The following PLLP variants were observed in gnomAD, a reference collection of about 807,000 sequenced individuals.
PLLP encodes plasmolipin, also known as plasma membrane proteolipid (plasmolipin).
A neutral mutation model predicts 19.7 loss-of-function variants in PLLP; 15 were observed. That is an observed-to-expected ratio of 0.76 (90% CI 0.51 to 1.17). The LOEUF (loss-of-function observed/expected upper bound fraction) is 1.17. Ranked by LOEUF, PLLP falls within the 50% of genes most tolerant of loss-of-function variation. The probability of loss-of-function intolerance (pLI) is 0.00; values close to 1 mark genes in which losing one functional copy is unlikely to be tolerated. For synonymous variants in PLLP, 111 were observed against 116.3 expected (o/e 0.95, Z 0.29); for missense variants, 255 against 258.3 (o/e 0.99, Z 0.09).
At chr16:57,279,362 C>CT (rs796106110) in intron 1 of PLLP, among the ~76,000 whole-genome samples, 6,992 of 134,158 alleles carry the variant, frequency 0.052, 522 homozygotes, top group African/African-American at 0.19. Context: ...CTTCTTCTTC[C>CT]TTTTTTTTTT....
intron 1 of PLLP, among the ~76,000 whole-genome samples, chr16:57,274,982 C>G (rs572284116): frequency 6.6e-6 from 1 of 151,712 alleles, no homozygotes. Flanking sequence ...AGGATGGTCT[C>G]AATCTCCTGA....
intron 1 of PLLP, among the ~76,000 whole-genome samples, chr16:57,264,307 A>AG (rs1172819631): frequency 6.6e-6 from 1 of 152,184 alleles, no homozygotes; most frequent in Non-Finnish European, 1.5e-5. Flanking sequence ...CCAGTGGGGA[A>AG]GTGGCAGGTG....
chr16:57,258,504 G>C lies in PLLP; in HGVS notation c.390C>G (p.Ser130=). Residue 130 remains serine (S), a synonymous_variant, in exon 3 of 4, where the codon TCC becomes TCG. Coordinates refer to ENST00000219207, the MANE Select transcript of PLLP (RefSeq NM_015993.3). ...GGTTATAAGGCCGGGTGCCCCTCAG[G>C]GATGTCAGGTCAACTGCCGCAGAGC... ...IACSAAVDLT[S]LRGTRPYNQR... 1 of 1,613,086 alleles carries C rather than the reference G, an allele frequency of 6.2e-7. No homozygotes were observed. The highest frequency in any genetic ancestry group is 8.5e-7 in the Non-Finnish European group (1 of 1,179,946).
chr16:57,274,863 A>G (rs1341235720), intron 1 of PLLP, among the ~76,000 whole-genome samples: 4 of 150,034 alleles, frequency 2.7e-5, no homozygotes, highest in Admixed American at 6.6e-5. Flanking sequence ...CCGGGTTCAC[A>G]CCATTCTCCT....
chr16:57,272,505 G>A (rs779219233), intron 1 of PLLP, among the ~76,000 whole-genome samples: 9 of 152,200 alleles, frequency 5.9e-5, no homozygotes, highest in Middle Eastern at 3.2e-3. Context: ...CATCAGTCCC[G>A]TGCACCCTGG....
chr16:57,271,419 G>A (rs1469381655), intron 1 of PLLP, among the ~76,000 whole-genome samples: 2 of 152,024 alleles, frequency 1.3e-5, no homozygotes, highest in Non-Finnish European at 1.5e-5. Context: ...CAAGGCAGGT[G>A]GATCACCTGA....
chr16:57,280,555 T>C (rs1019338209), intron 1 of PLLP, among the ~76,000 whole-genome samples: 2 of 152,070 alleles, frequency 1.3e-5, no homozygotes, highest in East Asian at 3.9e-4. Flanking sequence ...CATGAATCCA[T>C]TGGCAAGAGA....
Position 57,256,263 on chromosome 16 carries a change from C to G in PLLP, c.*650G>C, listed in dbSNP as rs1166676442. 2.6e-6 allele frequency: 1 copy of G among 388,288 alleles called. No individual in the cohort carries two copies. Among genetic ancestry groups the G allele is most frequent in the African/African-American group, 2.1e-5 (1 of 48,420 alleles). 24.1% of individuals were successfully genotyped at this position (388,288 alleles called of 1,614,324 possible). On this transcript the variant is annotated 3_prime_UTR_variant, in exon 4 of 4. Transcript: ENST00000219207. ...TTAGCTTCGCCCAAAGGGAGTATTA[C>G]AGAGAGAGGCTTGGGAAAGGGAAGG... is the stretch of plus-strand genomic sequence containing the variant.
intron 3 of PLLP, 149 bp downstream of exon 3, chr16:57,258,313 G>C (rs1374808006): frequency 5.9e-6 from 4 of 677,442 alleles, no homozygotes; most frequent in Admixed American, 2.9e-5. Context: ...AAGCCTGGAG[G>C]CGGCCCGGCT....
At chr16:57,268,128 G>C (rs1325647184) in intron 1 of PLLP, among the ~76,000 whole-genome samples, 1 of 152,244 alleles carries the variant, frequency 6.6e-6, no homozygotes, top group East Asian at 1.9e-4. Context: ...CCAGGAGGGG[G>C]ACATGGGACA....
At chr16:57,268,693 G>T (rs1226422690) in intron 1 of PLLP, among the ~76,000 whole-genome samples, 4 of 152,130 alleles carry the variant, frequency 2.6e-5, no homozygotes, top group Non-Finnish European at 2.9e-5. Context: ...TCCCCATGTT[G>T]CCCAGGCTAG....
At chr16:57,267,914 G>T (rs553807097) in intron 1 of PLLP, among the ~76,000 whole-genome samples, 10 of 150,866 alleles carry the variant, frequency 6.6e-5, no homozygotes, top group Admixed American at 6.6e-4. Flanking sequence ...GAAAAGAAAA[G>T]AAAATAGTGT....
At chr16:57,275,603 C>CAA (rs34400512) in intron 1 of PLLP, among the ~76,000 whole-genome samples, 15 of 22,306 alleles carry the variant, frequency 6.7e-4, no homozygotes, top group East Asian at 2.3e-3. Context: ...AGAAATTCAG[C>CAA]AAAAAAAAAA....
At chr16:57,260,619 A>C (rs549281977) in intron 2 of PLLP, among the ~76,000 whole-genome samples, 1 of 152,094 alleles carries the variant, frequency 6.6e-6, no homozygotes, top group Admixed American at 6.6e-5. Flanking sequence ...TTGTCTTACA[A>C]TCATGTGCCT....
At chr16:57,278,538 C>T (rs992192718) in intron 1 of PLLP, among the ~76,000 whole-genome samples, 2 of 152,062 alleles carry the variant, frequency 1.3e-5, no homozygotes, top group African/African-American at 2.4e-5. Context: ...AGAATGTATT[C>T]ATATATTCAT....
intron 1 of PLLP, among the ~76,000 whole-genome samples, chr16:57,275,641 C>CAAAAAAAAAAAAAA (rs57139241): frequency 2.4e-5 from 1 of 41,392 alleles, no homozygotes; most frequent in Non-Finnish European, 4.3e-5. Context: ...TTTTGCAAGG[C>CAAAAAAAAAAAAAA]AAAAAAAAAA....
chr16:57,284,124 G>A (rs1187186425), intron 1 of PLLP, among the ~76,000 whole-genome samples: 2 of 152,170 alleles, frequency 1.3e-5, no homozygotes, highest in East Asian at 3.9e-4. Context: ...CTTGGAGGGG[G>A]CACGATGGGG....
intron 1 of PLLP, among the ~76,000 whole-genome samples, chr16:57,268,579 C>A (rs1376473841): frequency 1.3e-5 from 2 of 152,220 alleles, no homozygotes. Flanking sequence ...CAGCCTCGAA[C>A]TCCTGGGCTC....
chr16:57,262,971 C>A (rs766171901), intron 1 of PLLP, among the ~76,000 whole-genome samples: 15 of 152,240 alleles, frequency 9.9e-5, no homozygotes, highest in Admixed American at 8.5e-4. Flanking sequence ...GCGAGCTCCA[C>A]GAGGGCACAG....
Sources: allele counts gnomAD v4.1 joint callset (sites outside exome capture counted in the v4.1 genomes callset), GRCh38; gene constraint gnomAD v4.1.1; transcripts MANE v1.5; gene names NCBI Gene and HGNC (gene_info 2026-07-23, HGNC 2026-07-21).